Variants in CDK17 observed in about 807,000 individuals in gnomAD.
CDK17 encodes cyclin dependent kinase 17.
CDK17 carries 24 observed loss-of-function variants against 77.6 expected under a neutral mutation model. The observed-to-expected ratio is 0.31, with a 90% CI of 0.22 to 0.44. CDK17 has a LOEUF of 0.44. Ranked by LOEUF, CDK17 falls within the 20% of genes least tolerant of loss-of-function variation. CDK17 has a pLI of 1.00. For synonymous variants in CDK17, 203 were observed against 210.4 expected (o/e 0.96, Z 0.30); for missense variants, 429 against 622.5 (o/e 0.69, Z 3.31).
chr12:96,297,750 G>C lies in CDK17; in HGVS notation c.716-29C>G, dbSNP rs760002018. On this transcript the variant is annotated intron_variant, in intron 7 of 16. Coordinates refer to ENST00000261211, the MANE Select transcript of CDK17 (RefSeq NM_002595.5). ...CAAAACAGAAAAAGAAAATTGTTTA[G>C]TCTGTGGCAGTCTTTATAAAAACCT... 4 of 1,153,416 alleles carry C rather than the reference G, an allele frequency of 3.5e-6. No individual in the cohort carries two copies. In the East Asian group the frequency reaches 9.4e-5, roughly 27 times the overall value. The allele number at this position is 1,153,416 out of a possible 1,614,324, so 71.4% of individuals were successfully genotyped here. A position where few individuals can be genotyped will look rare whatever the true frequency, so the allele number is the denominator to read the frequency against.
chr12:96,293,549 A>G (rs965032439), intron 10 of CDK17, among the ~76,000 whole-genome samples: 2 of 152,238 alleles, frequency 1.3e-5, no homozygotes, highest in South Asian at 2.1e-4. Flanking sequence ...ATAAATGTGA[A>G]TAGTCTTATT....
intron 2 of CDK17, 74 bp from the exon 3 acceptor site, chr12:96,324,186 A>G (rs1271861526): frequency 6.5e-6 from 8 of 1,223,928 alleles, no homozygotes; most frequent in South Asian, 2.0e-5. Flanking sequence ...GGATTCAGAA[A>G]GCAAAACAAA....
At chr12:96,387,406 T>C (rs1470176975) in intron 1 of CDK17, among the ~76,000 whole-genome samples, 2 of 152,208 alleles carry the variant, frequency 1.3e-5, no homozygotes, top group African/African-American at 4.8e-5. Flanking sequence ...CCAGAGATTC[T>C]CATTCAGAAA....
intron 13 of CDK17, among the ~76,000 whole-genome samples, chr12:96,284,828 G>A (rs182579655): frequency 6.6e-6 from 1 of 152,218 alleles, no homozygotes; most frequent in Non-Finnish European, 1.5e-5. Context: ...CCCCCCTAAA[G>A]TGCTGGGATT....
At chr12:96,338,108 G>A (rs1953071248) in intron 1 of CDK17, among the ~76,000 whole-genome samples, 1 of 152,172 alleles carries the variant, frequency 6.6e-6, no homozygotes, top group Non-Finnish European at 1.5e-5. Flanking sequence ...AGGAGAGGCT[G>A]GAGACTGAGT....
intron 1 of CDK17, 85 bp downstream of exon 1, chr12:96,399,901 C>CGCCTCT (rs925704784): frequency 3.0e-6 from 1 of 327,964 alleles, no homozygotes; most frequent in African/African-American, 2.2e-5. Flanking sequence ...CCCCCGCCCC[C>CGCCTCT]GCCTCTGTCC....
intron 1 of CDK17, among the ~76,000 whole-genome samples, chr12:96,380,651 C>T (rs1482539683): frequency 6.6e-6 from 1 of 152,158 alleles, no homozygotes; most frequent in Non-Finnish European, 1.5e-5. Context: ...GCACCAACAT[C>T]ACAAAAGGTT....
At chr12:96,350,205 T>C (rs1460726600) in intron 1 of CDK17, among the ~76,000 whole-genome samples, 1 of 152,018 alleles carries the variant, frequency 6.6e-6, no homozygotes, top group Non-Finnish European at 1.5e-5. Flanking sequence ...GATCTACAGG[T>C]TTAATGCAAT....
intron 1 of CDK17, among the ~76,000 whole-genome samples, chr12:96,341,155 C>A (rs1953116097): frequency 6.6e-6 from 1 of 152,132 alleles, no homozygotes; most frequent in African/African-American, 2.4e-5. Context: ...AGGCCATCAT[C>A]CTACGCTATT....
At chr12:96,360,113 A>C (rs142272925) in intron 1 of CDK17, among the ~76,000 whole-genome samples, 167 of 152,332 alleles carry the variant, frequency 1.1e-3, no homozygotes, top group African/African-American at 3.9e-3. Context: ...ATACAGGCCA[A>C]GGTGACCCCA....
intron 3 of CDK17, among the ~76,000 whole-genome samples, chr12:96,315,353 C>T (rs2137111147): frequency 6.6e-6 from 1 of 152,266 alleles, no homozygotes; most frequent in African/African-American, 2.4e-5. Flanking sequence ...TATTCATAAG[C>T]AGTTGCAAAT....
intron 2 of CDK17, among the ~76,000 whole-genome samples, chr12:96,329,444 G>A (rs528636088): frequency 4.3e-4 from 65 of 152,106 alleles, no homozygotes; most frequent in Non-Finnish European, 7.4e-4. Context: ...ACTAAGAAAC[G>A]TTATTTGGCA....
chr12:96,316,140 C>G (rs940511505), intron 3 of CDK17, among the ~76,000 whole-genome samples: 1 of 152,156 alleles, frequency 6.6e-6, no homozygotes, highest in African/African-American at 2.4e-5. Context: ...ATTGCCTCAC[C>G]TGGGAAGCGC....
chr12:96,316,564 G>T (rs1592723273), intron 3 of CDK17, among the ~76,000 whole-genome samples: 1 of 147,964 alleles, frequency 6.8e-6, no homozygotes, highest in Non-Finnish European at 1.5e-5. Context: ...CTGTCTGACA[G>T]CTTTGAAGAG....
At chr12:96,343,107 T>C (rs1207167189) in intron 1 of CDK17, among the ~76,000 whole-genome samples, 1 of 152,058 alleles carries the variant, frequency 6.6e-6, no homozygotes, top group Non-Finnish European at 1.5e-5. Flanking sequence ...AGAAAGACAA[T>C]ATTAGTTTAT....
chr12:96,396,201 TG>T (rs1954166001), intron 1 of CDK17, among the ~76,000 whole-genome samples: 1 of 152,212 alleles, frequency 6.6e-6, no homozygotes, highest in Non-Finnish European at 1.5e-5. Flanking sequence ...GCAGACAGGC[TG>T]GGAACAATAA....
chr12:96,332,073 T>C (rs556309069), intron 2 of CDK17, among the ~76,000 whole-genome samples: 15 of 152,306 alleles, frequency 9.8e-5, no homozygotes, highest in Non-Finnish European at 1.5e-4. Context: ...CATTTCCTTT[T>C]CTATGTTTAG....
At chr12:96,322,761 A>G (rs1952839802) in intron 3 of CDK17, among the ~76,000 whole-genome samples, 1 of 152,334 alleles carries the variant, frequency 6.6e-6, no homozygotes, top group Middle Eastern at 3.4e-3. Context: ...TTGCATATTC[A>G]TTACCTTTGT....
chr12:96,352,774 CA>C (rs1409101206), intron 1 of CDK17, among the ~76,000 whole-genome samples: 1 of 152,168 alleles, frequency 6.6e-6, no homozygotes, highest in African/African-American at 2.4e-5. Flanking sequence ...GACCCATAAT[CA>C]AGAGCAAAGA....
Sources: gnomAD v4.1 joint callset for allele counts (sites outside exome capture counted in the v4.1 genomes callset) on GRCh38, gnomAD v4.1.1 for gene constraint, MANE v1.5 for transcripts, NCBI Gene and HGNC (gene_info 2026-07-23, HGNC 2026-07-21) for gene names.